The following AGBL4 variants were observed in gnomAD, a reference collection of about 807,000 sequenced individuals.
The protein encoded by AGBL4 is cytosolic carboxypeptidase 6.
Under a neutral mutation model 66.4 loss-of-function variants are expected in AGBL4, and 58 were observed. The observed-to-expected ratio is 0.87, with a 90% CI of 0.71 to 1.09. AGBL4 has a LOEUF of 1.09. AGBL4 is among the 50% of genes least tolerant of loss of function. The pLI is 0.00. For synonymous variants in AGBL4, 234 were observed against 222.9 expected (o/e 1.05, Z -0.44); for missense variants, 579 against 631.0 (o/e 0.92, Z 0.88).
intron 5 of AGBL4, among the ~76,000 whole-genome samples, chr1:49,008,331 C>A (rs1238206273): frequency 2.0e-5 from 3 of 151,938 alleles, no homozygotes; most frequent in Non-Finnish European, 2.9e-5. Flanking sequence ...AGCTAACTAT[C>A]CTAAATATAT....
intron 3 of AGBL4, among the ~76,000 whole-genome samples, chr1:49,300,093 T>C (rs1240037827): frequency 6.6e-6 from 1 of 152,240 alleles, no homozygotes; most frequent in Non-Finnish European, 1.5e-5. Context: ...TACCTTCTTT[T>C]GCTGACAATT....
chr1:49,448,183 T>G (rs1646200999), intron 3 of AGBL4, among the ~76,000 whole-genome samples: 1 of 152,208 alleles, frequency 6.6e-6, no homozygotes, highest in African/African-American at 2.4e-5. Flanking sequence ...AAATCTCTGT[T>G]GCATATGACA....
intron 3 of AGBL4, among the ~76,000 whole-genome samples, chr1:49,457,445 A>G (rs563971548): frequency 1.1e-4 from 17 of 151,886 alleles, no homozygotes; most frequent in African/African-American, 4.1e-4. Context: ...AATTCTATGT[A>G]TATTCTGGAT....
chr1:48,540,914 A>G (rs1264193771), intron 11 of AGBL4, among the ~76,000 whole-genome samples: 18 of 152,078 alleles, frequency 1.2e-4, no homozygotes, highest in Admixed American at 9.2e-4. Context: ...AGCCAGGGGG[A>G]TTCTGCAATG....
intron 4 of AGBL4, among the ~76,000 whole-genome samples, chr1:49,072,874 T>C (rs1236650772): frequency 1.3e-5 from 2 of 152,220 alleles, no homozygotes. Context: ...CACTTTCAGG[T>C]TCACCAATCA....
chr1:48,679,444 C>A (rs904806840), intron 6 of AGBL4, among the ~76,000 whole-genome samples: 1 of 152,158 alleles, frequency 6.6e-6, no homozygotes, highest in African/African-American at 2.4e-5. Context: ...CTCAGTACAA[C>A]CAGGGCCACA....
At chr1:49,858,886 G>T (rs1160223685) in intron 1 of AGBL4, among the ~76,000 whole-genome samples, 4 of 152,084 alleles carry the variant, frequency 2.6e-5, no homozygotes, top group Non-Finnish European at 5.9e-5. Context: ...TGTGGTGGCA[G>T]GTGCCTATAA....
At chr1:48,851,319 A>C (rs1454094724) in intron 6 of AGBL4, among the ~76,000 whole-genome samples, 1 of 152,136 alleles carries the variant, frequency 6.6e-6, no homozygotes, top group African/African-American at 2.4e-5. Flanking sequence ...GATCCAAGAG[A>C]TTTTGAGTAA....
intron 4 of AGBL4, among the ~76,000 whole-genome samples, chr1:49,085,658 T>C (rs1300061649): frequency 6.6e-6 from 1 of 151,684 alleles, no homozygotes; most frequent in African/African-American, 2.4e-5. Context: ...GAGCAGAGAA[T>C]AGCGAATCTG....
At chr1:49,079,251 C>G (rs866078159) in intron 4 of AGBL4, among the ~76,000 whole-genome samples, 2 of 152,290 alleles carry the variant, frequency 1.3e-5, no homozygotes, top group African/African-American at 4.8e-5. Context: ...AAGTCCTACT[C>G]AAGGATGGTA....
intron 2 of AGBL4, among the ~76,000 whole-genome samples, chr1:49,749,248 A>G (rs1364963514): frequency 1.3e-5 from 2 of 151,868 alleles, no homozygotes; most frequent in Non-Finnish European, 2.9e-5. Flanking sequence ...TTTGCAACAC[A>G]GTTTTAAATA....
chr1:49,074,959 T>C (rs1644682024), intron 4 of AGBL4, among the ~76,000 whole-genome samples: 1 of 152,138 alleles, frequency 6.6e-6, no homozygotes. Context: ...AGACAAAATA[T>C]TAGGCCAATA....
At chr1:49,264,641 G>A (rs1393826848) in intron 3 of AGBL4, among the ~76,000 whole-genome samples, 4 of 151,980 alleles carry the variant, frequency 2.6e-5, no homozygotes, top group African/African-American at 9.7e-5. Flanking sequence ...TGCCTCCCAG[G>A]TGCAAGCAAT....
chr1:49,530,671 G>T (rs1341530733), intron 3 of AGBL4, among the ~76,000 whole-genome samples: 2 of 151,894 alleles, frequency 1.3e-5, no homozygotes, highest in African/African-American at 2.4e-5. Context: ...CAGATACCTG[G>T]GTTGCATTGG....
intron 2 of AGBL4, among the ~76,000 whole-genome samples, chr1:49,837,245 A>T (rs1358577555): frequency 6.6e-6 from 1 of 152,122 alleles, no homozygotes; most frequent in Non-Finnish European, 1.5e-5. Context: ...TCTTTCAGAG[A>T]TGCCCTGCCC....
chr1:49,408,590 G>A (rs1418951884), intron 3 of AGBL4, among the ~76,000 whole-genome samples: 2 of 152,224 alleles, frequency 1.3e-5, no homozygotes, highest in Non-Finnish European at 2.9e-5. Flanking sequence ...ATAAAAGCAG[G>A]CAGAGGAACA....
chr1:48,639,845 T>C (rs1259329640), intron 8 of AGBL4, among the ~76,000 whole-genome samples: 1 of 152,194 alleles, frequency 6.6e-6, no homozygotes, highest in Non-Finnish European at 1.5e-5. Flanking sequence ...ATGTTCTGCT[T>C]GTGTCCCTAA....
intron 3 of AGBL4, among the ~76,000 whole-genome samples, chr1:49,337,334 G>A (rs1023251063): frequency 6.6e-6 from 1 of 152,204 alleles, no homozygotes; most frequent in Non-Finnish European, 1.5e-5. Flanking sequence ...GATTCTGGCT[G>A]TCAAATAAAA....
At chr1:49,818,221 T>C (rs1037425961) in intron 2 of AGBL4, among the ~76,000 whole-genome samples, 2 of 152,178 alleles carry the variant, frequency 1.3e-5, no homozygotes, top group Non-Finnish European at 2.9e-5. Context: ...AATGCAAATA[T>C]TCCATTAAGG....
Sources: allele counts gnomAD v4.1 joint callset (sites outside exome capture counted in the v4.1 genomes callset), GRCh38; gene constraint gnomAD v4.1.1; transcripts MANE v1.5; gene names NCBI Gene and HGNC (gene_info 2026-07-23, HGNC 2026-07-21).